CCDC88A: variants seen among roughly 807,000 people sequenced by gnomAD.
CCDC88A encodes coiled-coil and HOOK domain protein 88A, also known as girdin.
CCDC88A carries 54 observed loss-of-function variants against 234.3 expected under a neutral mutation model. The observed-to-expected ratio is 0.23, with a 90% CI of 0.19 to 0.29. The LOEUF (loss-of-function observed/expected upper bound fraction) is 0.29, where lower values mean the gene tolerates loss of function less well. Among genes scored for constraint, CCDC88A ranks in the 10% least tolerant of loss-of-function variants. CCDC88A has a pLI of 1.00. For synonymous variants in CCDC88A, 753 were observed against 737.8 expected (o/e 1.02, Z -0.33); for missense variants, 1,832 against 2,123.4 (o/e 0.86, Z 2.70).
rs542465318 is a variant in CCDC88A, at chr2:55,343,567, C to T, written c.1333+81G>A. On this transcript the variant is annotated intron_variant, in intron 12 of 32. Transcript: ENST00000436346. ...TAGTCTTCTGAGATATCTCCCACTGCGGAAAATAAAGAACTGCAAGTAAAC... is the reference window on the plus strand; with the variant it reads ...TAGTCTTCTGAGATATCTCCCACTGTGGAAAATAAAGAACTGCAAGTAAAC... The T allele has an allele frequency of 9.3e-5, 99 of 1,063,292 alleles. 1 individual carries two copies. The Admixed American group carries it at 1.8e-3, about 19-fold the overall frequency. 65.9% of individuals were successfully genotyped at this position (1,063,292 alleles called of 1,614,324 possible).
At position 55,312,330 on chromosome 2, in the gene CCDC88A, T is replaced by C. The variant is rs902188394; in HGVS notation, c.4079+104A>G. 18 of 1,012,676 alleles carry C rather than the reference T, an allele frequency of 1.8e-5. 1 individual carries two copies. In the African/African-American group the frequency reaches 2.7e-4, roughly 15 times the overall value. The allele number at this position is 1,012,676 out of a possible 1,614,324, so 62.7% of individuals were successfully genotyped here. A position where few individuals can be genotyped will look rare whatever the true frequency, so the allele number is the denominator to read the frequency against. ...GAATATAAGCACTCAAAAATATTTG[T>C]TGAAAATCAGTAAAAATTAGCATGA... On this transcript the variant is annotated intron_variant, in intron 23 of 32. Coordinates refer to ENST00000436346, the MANE Select transcript of CCDC88A (RefSeq NM_001365480.1).
At chr2:55,314,151 A>C (rs951107405) in intron 22 of CCDC88A, 1 of 152,318 alleles carries the variant, frequency 6.6e-6, no homozygotes, top group Non-Finnish European at 1.5e-5. Context: ...CACATGGAAC[A>C]GAGAAGGGTT....
intron 3 of CCDC88A, among the ~76,000 whole-genome samples, chr2:55,376,892 C>T (rs1212532529): frequency 3.3e-5 from 5 of 152,206 alleles, no homozygotes; most frequent in South Asian, 2.1e-4. Context: ...AGTGCAGTGG[C>T]GCGATCTTGG....
intron 7 of CCDC88A, among the ~76,000 whole-genome samples, chr2:55,361,546 A>G (rs1671318289): frequency 1.3e-5 from 2 of 152,230 alleles, no homozygotes; most frequent in South Asian, 4.1e-4. Flanking sequence ...TTCTCTATGT[A>G]GTCTTTCATT....
intron 29 of CCDC88A, among the ~76,000 whole-genome samples, chr2:55,298,700 G>A (rs1279303151): frequency 6.6e-6 from 1 of 151,746 alleles, no homozygotes; most frequent in Non-Finnish European, 1.5e-5. Context: ...TAGAAACCCT[G>A]TCTCTAACAA....
At position 55,362,428 on chromosome 2, in the gene CCDC88A, A is replaced by G. The variant is rs1281899325; in HGVS notation, c.507T>C (p.Asn169=). The G allele has an allele frequency of 1.9e-6, 3 of 1,602,322 alleles. No individual in the cohort carries two copies. Among genetic ancestry groups the G allele is most frequent in the Non-Finnish European group, 1.7e-6 (2 of 1,176,596 alleles). ...HIQEVTHNQE[N]VFDLQWMEVT... ...CTTCCATCCATTGCAGGTCAAACAC[A>G]TTTTCCTGATTATGAGTTACCTTTA... The change falls in exon 7 of 33, where the codon AAT becomes AAC. Residue 169 remains asparagine (N), a synonymous_variant. Coordinates refer to ENST00000436346, the MANE Select transcript of CCDC88A (RefSeq NM_001365480.1).
At chr2:55,343,526 T>C (rs1332894544) in intron 12 of CCDC88A, 122 bp downstream of exon 12, 6 of 713,292 alleles carry the variant, frequency 8.4e-6, no homozygotes, top group Non-Finnish European at 1.4e-5. Flanking sequence ...TGTGAAATCA[T>C]ATCTATGGAG....
intron 3 of CCDC88A, among the ~76,000 whole-genome samples, chr2:55,376,944 C>T (rs1244832144): frequency 6.6e-6 from 1 of 152,108 alleles, no homozygotes; most frequent in Non-Finnish European, 1.5e-5. Flanking sequence ...CAATTCTCTG[C>T]CTCAGCGTCC....
rs558696681 is a variant in CCDC88A, at chr2:55,334,577, G to T, written c.2244C>A (p.Phe748Leu). The change falls in exon 15 of 33, where the codon TTC (phenylalanine) becomes TTA (leucine). Residue 748 changes from phenylalanine to leucine, a missense_variant. Around this residue, in one of 6 missense-constraint regions of CCDC88A, gnomAD observed 1,282 missense variants for 1,543.6 expected, o/e 0.83. Transcript: ENST00000436346. The surrounding 1 kb of genome is among the most constrained non-coding windows in gnomAD (Gnocchi z 6.1). ...TAACTTCTAAGCGTTCTGTTTTCTTGAAAGATGCTTTCAGGAGCTCCAAAC... is the reference window on the plus strand; with the variant it reads ...TAACTTCTAAGCGTTCTGTTTTCTTTAAAGATGCTTTCAGGAGCTCCAAAC... Reference protein sequence around the residue: ...KKGLELLKASFKKTERLEVSY... With the variant: ...KKGLELLKASLKKTERLEVSY... 1.3e-5 allele frequency: 21 copies of T among 1,612,966 alleles called. No homozygotes were observed. Among genetic ancestry groups the T allele is most frequent in the Non-Finnish European group, 1.7e-5 (20 of 1,179,662 alleles).
chr2:55,372,203 C>G (rs553514185), intron 5 of CCDC88A, among the ~76,000 whole-genome samples: 3 of 152,014 alleles, frequency 2.0e-5, no homozygotes, highest in African/African-American at 7.2e-5. Flanking sequence ...CATTATAAGC[C>G]TCAGAATAAG....
chr2:55,306,430 G>GAC (rs750373358), intron 25 of CCDC88A, among the ~76,000 whole-genome samples: 140 of 150,844 alleles, frequency 9.3e-4, no homozygotes, highest in African/African-American at 1.4e-3. Context: ...AAAACTGCTT[G>GAC]ACACACACAC....
intron 2 of CCDC88A, chr2:55,404,032 G>T (rs1389536989): frequency 2.0e-5 from 3 of 152,144 alleles, no homozygotes; most frequent in Non-Finnish European, 4.4e-5. Flanking sequence ...CTTGACCAGT[G>T]ACAGACTTAT....
At chr2:55,366,880 G>A (rs964937526) in intron 5 of CCDC88A, among the ~76,000 whole-genome samples, 2 of 152,084 alleles carry the variant, frequency 1.3e-5, no homozygotes, top group Non-Finnish European at 2.9e-5. Flanking sequence ...TAAGAAAACC[G>A]ATAATATAGG....
chr2:55,321,623 A>T (rs1683646823), intron 18 of CCDC88A, among the ~76,000 whole-genome samples: 1 of 152,186 alleles, frequency 6.6e-6, no homozygotes, highest in Non-Finnish European at 1.5e-5. Flanking sequence ...TAACATTCAC[A>T]CTATGGAATA....
In CCDC88A at chr2:55,317,903, C is replaced by T. The variant is rs544670984; in HGVS notation, c.3325-62G>A. The T allele has an allele frequency of 2.1e-5, 24 of 1,160,516 alleles. No homozygotes were observed. In the Admixed American group the frequency reaches 4.1e-4, roughly 20 times the overall value. 71.9% of individuals were successfully genotyped at this position (1,160,516 alleles called of 1,614,324 possible). On this transcript the variant is annotated intron_variant, in intron 19 of 32. Coordinates refer to ENST00000436346, the MANE Select transcript of CCDC88A (RefSeq NM_001365480.1). This position sits in a 1 kb window ranked among gnomAD's most constrained non-coding sequence, Gnocchi z 4.2. ...ACAGTTCATGTTCTTTTTCAAAATACAAGATTACAATGTTAATTAAAGAAA... is the reference window on the plus strand; with the variant it reads ...ACAGTTCATGTTCTTTTTCAAAATATAAGATTACAATGTTAATTAAAGAAA...
chr2:55,358,267 A>G (rs1166756762), intron 7 of CCDC88A, among the ~76,000 whole-genome samples: 5 of 152,222 alleles, frequency 3.3e-5, no homozygotes, highest in Non-Finnish European at 5.9e-5. Flanking sequence ...TTAGGCTCAT[A>G]TGGATTAAAT....
At chr2:55,375,769 C>G (rs1385477226) in intron 3 of CCDC88A, among the ~76,000 whole-genome samples, 1 of 151,760 alleles carries the variant, frequency 6.6e-6, no homozygotes, top group African/African-American at 2.4e-5. Context: ...CTCAAGTGAT[C>G]CACCCGCCTT....
chr2:55,303,806 G>A (rs1229661561), intron 25 of CCDC88A, among the ~76,000 whole-genome samples: 1 of 152,150 alleles, frequency 6.6e-6, no homozygotes, highest in African/African-American at 2.4e-5. Flanking sequence ...TAAAATGAAG[G>A]CTACTGGTGG....
At chr2:55,384,232 A>C (rs934308160) in intron 3 of CCDC88A, among the ~76,000 whole-genome samples, 1 of 150,742 alleles carries the variant, frequency 6.6e-6, no homozygotes, top group African/African-American at 2.4e-5. Context: ...TAAACACATA[A>C]GGAAAAAAAA....
Sources: allele counts gnomAD v4.1 joint callset (sites outside exome capture counted in the v4.1 genomes callset), GRCh38; gene constraint gnomAD v4.1.1; regional missense constraint gnomAD v4.1.1; non-coding constraint Gnocchi (gnomAD v3.1); transcripts MANE v1.5; gene names NCBI Gene and HGNC (gene_info 2026-07-23, HGNC 2026-07-21).